The following ADGRV1 variants were observed in gnomAD, a reference collection of about 807,000 sequenced individuals.
ADGRV1 encodes adhesion G protein-coupled receptor V1.
In ADGRV1, 359 loss-of-function variants were observed where a neutral mutation model predicts 596.2. The ratio of observed to expected loss-of-function variants is 0.60; its 90% confidence interval spans 0.55 to 0.66. The LOEUF is 0.66. Among genes scored for constraint, ADGRV1 ranks in the 30% least tolerant of loss-of-function variants. The pLI is 0.00. For synonymous variants in ADGRV1, 2,681 were observed against 2,679.2 expected (o/e 1.00, Z -0.02); for missense variants, 7,274 against 7,575.6 (o/e 0.96, Z 1.48).
chr5:91,076,276 T>C (rs1788848124), intron 86 of ADGRV1, among the ~76,000 whole-genome samples: 2 of 152,190 alleles, frequency 1.3e-5, no homozygotes. Flanking sequence ...CAAATAAGAA[T>C]TACTCATTCC....
intron 83 of ADGRV1, among the ~76,000 whole-genome samples, chr5:90,882,832 A>G (rs1028821207): frequency 2.0e-5 from 3 of 152,310 alleles, no homozygotes; most frequent in Middle Eastern, 3.4e-3. Context: ...GTAATAAATT[A>G]TTTTTAACAT....
intron 43 of ADGRV1, 104 bp from the exon 44 acceptor site, chr5:90,719,944 C>A: frequency 1.2e-6 from 1 of 847,498 alleles, no homozygotes; most frequent in South Asian, 1.6e-5. Context: ...TGATATTTTT[C>A]AAAACATGCT....
At chr5:91,097,384 T>C (rs547903132) in intron 86 of ADGRV1, among the ~76,000 whole-genome samples, 8 of 152,358 alleles carry the variant, frequency 5.3e-5, no homozygotes, top group African/African-American at 1.9e-4. Context: ...GGTTTCAACA[T>C]ATAAAGTTTG....
intron 83 of ADGRV1, among the ~76,000 whole-genome samples, chr5:90,878,963 A>G (rs942196664): frequency 6.6e-6 from 1 of 152,220 alleles, no homozygotes; most frequent in Admixed American, 6.5e-5. Flanking sequence ...GCCCAGCTAC[A>G]TGTGAGTCAT....
At chr5:90,649,686 A>T (rs1461210478) in intron 17 of ADGRV1, among the ~76,000 whole-genome samples, 1 of 152,092 alleles carries the variant, frequency 6.6e-6, no homozygotes, top group Non-Finnish European at 1.5e-5. Flanking sequence ...ACGGGGTTTC[A>T]TCGTGTTGGC....
intron 21 of ADGRV1, among the ~76,000 whole-genome samples, chr5:90,659,586 G>C (rs967779148): frequency 6.6e-6 from 1 of 152,172 alleles, no homozygotes; most frequent in Non-Finnish European, 1.5e-5. Context: ...TAAATGCTAA[G>C]AAACTGCCAC....
At chr5:90,754,932 A>C (rs959247481) in intron 54 of ADGRV1, 51 bp from the exon 55 acceptor site, 17 of 1,311,752 alleles carry the variant, frequency 1.3e-5, no homozygotes, top group Middle Eastern at 1.8e-4. Context: ...TTGTAACAGC[A>C]TTGACAGCAA....
chr5:90,647,668 G>A lies in ADGRV1; in HGVS notation c.3193G>A (p.Val1065Ile). 6.2e-7 allele frequency: 1 copy of A among 1,613,960 alleles called. No individual in the cohort carries two copies. ...AAAAGGAGAAACGCTCATTTTTGAG[G>A]TTGGAAGTAGACAGCAGAGCATATC... ...VEKGETLIFE[V>I]GSRQQSISIF... The change falls in exon 17 of 90, where the codon GTT becomes ATT. Residue 1065 changes from valine (V) to isoleucine (I), a missense_variant. Physicochemically the swap from Val to Ile is conservative, Grantham distance 29. Around this residue, in one of 5 missense-constraint regions of ADGRV1, gnomAD observed 1,715 missense variants for 1,708.8 expected, o/e 1.00. Transcript: ENST00000405460.
At chr5:90,897,899 A>G (rs1407813164) in intron 83 of ADGRV1, among the ~76,000 whole-genome samples, 1 of 152,186 alleles carries the variant, frequency 6.6e-6, no homozygotes, top group Non-Finnish European at 1.5e-5. Context: ...ACAGTAGCAG[A>G]TGGATGAGGT....
chr5:90,646,936 G>A (rs548658945), intron 16 of ADGRV1, among the ~76,000 whole-genome samples: 196 of 152,094 alleles, frequency 1.3e-3, no homozygotes, highest in African/African-American at 4.4e-3. Flanking sequence ...ACCACGCCCA[G>A]CTAATTTTTG....
At chr5:90,561,176 C>T (rs1754785766) in intron 1 of ADGRV1, among the ~76,000 whole-genome samples, 1 of 152,126 alleles carries the variant, frequency 6.6e-6, no homozygotes, top group Non-Finnish European at 1.5e-5. Flanking sequence ...GATCTATGCC[C>T]TGGGAGGACC....
chr5:91,039,329 C>A (rs1785153632), intron 85 of ADGRV1, among the ~76,000 whole-genome samples: 1 of 152,182 alleles, frequency 6.6e-6, no homozygotes, highest in Non-Finnish European at 1.5e-5. Flanking sequence ...ATCGGTTAGG[C>A]TTTCTTCATG....
intron 21 of ADGRV1, among the ~76,000 whole-genome samples, chr5:90,659,308 T>G (rs16868957): frequency 0.5 from 75,562 of 152,022 alleles, 19,331 homozygotes; most frequent in East Asian, 0.81. Context: ...ACATATTACA[T>G]TTTATGCACC....
rs193272529 is a variant in ADGRV1 at position 90,731,660 on chromosome 5, G to T, written c.10549+1896G>T. On this transcript the variant is annotated intron_variant, in intron 50 of 89. Coordinates refer to ENST00000405460, the MANE Select transcript of ADGRV1 (RefSeq NM_032119.4). ...ACAGAGGATTTGACCAGAATGTTGT[G>T]GTGCTGAGATTGGAGATACAACACT... is the stretch of plus-strand genomic sequence containing the variant. 4.7e-3 allele frequency among the ~76,000 whole-genome samples: 721 copies of T among 152,284 alleles called. 27 individuals carry two copies. The highest frequency in any genetic ancestry group is 0.043 in the Admixed American group (660 of 15,290).
At position 91,031,582 on chromosome 5, in the gene ADGRV1, C is replaced by T. The variant is rs901575028; in HGVS notation, c.18153-40865C>T. ...AACCTTGTGACTGTGGCAGGTCACA[C>T]CCCACTCCTGAGAGTTCTTTTTAGA... On this transcript the variant is annotated intron_variant, in intron 85 of 89. Transcript: ENST00000405460. 3.3e-5 allele frequency among the ~76,000 whole-genome samples: 5 copies of T among 152,166 alleles called. No homozygotes were observed. In the South Asian group the frequency reaches 1.0e-3, roughly 32 times the overall value.
chr5:90,776,159 C>G (rs1758202814), intron 60 of ADGRV1, among the ~76,000 whole-genome samples: 1 of 152,096 alleles, frequency 6.6e-6, no homozygotes, highest in African/African-American at 2.4e-5. Flanking sequence ...CAAATTAATG[C>G]CAATGGTAGA....
At chr5:90,766,675 A>G (rs930152189) in intron 59 of ADGRV1, among the ~76,000 whole-genome samples, 1 of 152,206 alleles carries the variant, frequency 6.6e-6, no homozygotes, top group Admixed American at 6.5e-5. Flanking sequence ...ATCTACTTTG[A>G]AGGGGGAACA....
chr5:90,630,371 G>A (rs1765349507), intron 9 of ADGRV1: 1 of 152,006 alleles, frequency 6.6e-6, no homozygotes, highest in Admixed American at 6.6e-5. Context: ...AGACTCTCTG[G>A]ACCTTCAACT....
At chr5:90,783,410 A>C in intron 66 of ADGRV1, 85 bp downstream of exon 66, 1 of 919,808 alleles carries the variant, frequency 1.1e-6, no homozygotes. Flanking sequence ...CTGACAATAG[A>C]ACTTTAGATA....
Sources: gnomAD v4.1 joint callset for allele counts (sites outside exome capture counted in the v4.1 genomes callset) on GRCh38, gnomAD v4.1.1 for gene constraint, gnomAD v4.1.1 regional missense constraint, MANE v1.5 for transcripts, NCBI Gene and HGNC (gene_info 2026-07-23, HGNC 2026-07-21) for gene names.